The following TAS2R1 variants were observed in gnomAD, a reference collection of about 807,000 sequenced individuals.
TAS2R1 encodes the protein taste receptor type 2 member 1.
For synonymous variants in TAS2R1, 141 were observed against 134.2 expected, an observed-to-expected ratio of 1.05 and a Z score of -0.35; for missense variants, 370 against 353.4, an observed-to-expected ratio of 1.05 and a Z score of -0.38.
chr5:9,766,345 A>G, the TAS2R1 span, among the ~76,000 whole-genome samples: 1 of 152,240 alleles, frequency 6.6e-6, no homozygotes, highest in East Asian at 1.9e-4. Flanking sequence ...AGAGGGGTCT[A>G]AAATATTTTT....
At chr5:9,694,202 C>T (rs1741312378) in intron 1 of TAS2R1, among the ~76,000 whole-genome samples, 1 of 151,970 alleles carries the variant, frequency 6.6e-6, no homozygotes, top group African/African-American at 2.4e-5. Flanking sequence ...AAAATGTTTG[C>T]AGCTGTTGGC....
the TAS2R1 span, among the ~76,000 whole-genome samples, chr5:9,841,247 T>C: frequency 6.6e-6 from 1 of 152,252 alleles, no homozygotes; most frequent in African/African-American, 2.4e-5. Flanking sequence ...ACAGTGCTTC[T>C]TGAATATGGT....
the TAS2R1 span, among the ~76,000 whole-genome samples, chr5:9,763,848 TTG>T: frequency 6.6e-6 from 1 of 152,316 alleles, no homozygotes; most frequent in Admixed American, 6.5e-5. Flanking sequence ...TTCAAATGAA[TTG>T]CTGTGTGCTC....
At position 9,696,735 on chromosome 5, in the gene TAS2R1, C is replaced by T. The variant is rs934438716; in HGVS notation, c.-242+15437G>A. Among the ~76,000 whole-genome samples the T allele has an allele frequency of 7.9e-5, 12 of 152,096 alleles. No homozygotes were observed. In the East Asian group the frequency reaches 1.9e-3, roughly 24 times the overall value. On this transcript the variant is annotated intron_variant, in intron 1 of 2. Transcript: ENST00000506620. The stretch of plus-strand genomic sequence containing the variant: ...AAACTACTAAAGAAATTCGCAAGGC[C>T]GGGTGTGGTGGCTCATGACTGTAAT...
chr5:9,642,588 A>G (rs1740108016), intron 2 of TAS2R1, among the ~76,000 whole-genome samples: 2 of 152,152 alleles, frequency 1.3e-5, no homozygotes, highest in Non-Finnish European at 2.9e-5. Flanking sequence ...CTTTTAGACT[A>G]AAATTTTTGT....
chr5:9,801,107 G>A, the TAS2R1 span, among the ~76,000 whole-genome samples: 8 of 152,330 alleles, frequency 5.3e-5, no homozygotes, highest in South Asian at 1.7e-3. Flanking sequence ...CAGGAGAATT[G>A]CTTGAACCTG....
chr5:9,776,453 G>A, the TAS2R1 span, among the ~76,000 whole-genome samples: 1 of 152,124 alleles, frequency 6.6e-6, no homozygotes, highest in Non-Finnish European at 1.5e-5. Flanking sequence ...GTGCTTTTTT[G>A]TGTGGACAGT....
the TAS2R1 span, among the ~76,000 whole-genome samples, chr5:9,722,139 G>A: frequency 6.6e-6 from 1 of 152,102 alleles, no homozygotes; most frequent in African/African-American, 2.4e-5. Context: ...ATGGTCTCTG[G>A]CCAACAGCTG....
chr5:9,635,594 A>AT (rs541071696), intron 2 of TAS2R1, among the ~76,000 whole-genome samples: 209 of 141,920 alleles, frequency 1.5e-3, no homozygotes, highest in East Asian at 2.9e-3. Flanking sequence ...TTTTGTTGTG[A>AT]TTTTTTTTTT....
the TAS2R1 span, among the ~76,000 whole-genome samples, chr5:9,814,499 T>A: frequency 6.6e-6 from 1 of 152,202 alleles, no homozygotes; most frequent in Non-Finnish European, 1.5e-5. Flanking sequence ...AGATATTCCA[T>A]GAAAGTTCAA....
chr5:9,719,884 C>G, the TAS2R1 span, among the ~76,000 whole-genome samples: 4 of 142,820 alleles, frequency 2.8e-5, no homozygotes, highest in African/African-American at 7.8e-5. Context: ...CACCACTGCA[C>G]TCCAGCCTGG....
intron 1 of TAS2R1, among the ~76,000 whole-genome samples, chr5:9,688,759 G>A (rs542326543): frequency 1.3e-5 from 2 of 152,132 alleles, no homozygotes; most frequent in Non-Finnish European, 2.9e-5. Flanking sequence ...TTCCAGAGCT[G>A]CCAGCTTTAT....
the TAS2R1 span, among the ~76,000 whole-genome samples, chr5:9,755,544 G>C: frequency 7.0e-6 from 1 of 143,260 alleles, no homozygotes; most frequent in Non-Finnish European, 1.5e-5. Flanking sequence ...CCAAGATCGT[G>C]CCATGGCATT....
chr5:9,769,963 G>A, the TAS2R1 span, among the ~76,000 whole-genome samples: 153 of 152,176 alleles, frequency 1.0e-3, no homozygotes, highest in African/African-American at 3.4e-3. Context: ...CTGTGCTTGT[G>A]GAGTTTTACT....
At chr5:9,666,124 G>A (rs1444008747) in intron 1 of TAS2R1, among the ~76,000 whole-genome samples, 2 of 152,014 alleles carry the variant, frequency 1.3e-5, no homozygotes, top group Non-Finnish European at 2.9e-5. Flanking sequence ...ATTATTAGTG[G>A]AAAAATAATT....
chr5:9,706,909 T>C (rs950318140), intron 1 of TAS2R1, among the ~76,000 whole-genome samples: 4 of 152,128 alleles, frequency 2.6e-5, no homozygotes, highest in Admixed American at 6.5e-5. Context: ...TAAAGGAGTA[T>C]TTTGAAGTAT....
At chr5:9,880,605 A>G in the TAS2R1 span, among the ~76,000 whole-genome samples, 11 of 151,706 alleles carry the variant, frequency 7.3e-5, no homozygotes, top group Admixed American at 7.3e-4. Flanking sequence ...GTAGATGACA[A>G]GAGCACCACC....
the TAS2R1 span, among the ~76,000 whole-genome samples, chr5:9,792,427 G>A: frequency 6.6e-6 from 1 of 152,158 alleles, no homozygotes; most frequent in Non-Finnish European, 1.5e-5. Context: ...GGGAGAAGTA[G>A]GCTTTCTTCC....
At chr5:9,833,971 GCTGACATTGTAA>G in the TAS2R1 span, among the ~76,000 whole-genome samples, 1 of 152,320 alleles carries the variant, frequency 6.6e-6, no homozygotes, top group South Asian at 2.1e-4. Flanking sequence ...AAGCAGAACA[GCTGACATTGTAA>G]GCAGGCGATT....
Sources: allele counts gnomAD v4.1 joint callset (sites outside exome capture counted in the v4.1 genomes callset), GRCh38; gene constraint gnomAD v4.1.1; transcripts MANE v1.5; gene names NCBI Gene and HGNC (gene_info 2026-07-23, HGNC 2026-07-21).